The following ZNF385B variants were observed in gnomAD, a reference collection of about 807,000 sequenced individuals.
ZNF385B encodes zinc finger protein 385B.
A neutral mutation model predicts 39.2 loss-of-function variants in ZNF385B; 23 were observed. That is an observed-to-expected ratio of 0.59 (90% CI 0.42 to 0.83). The LOEUF is 0.83. Among genes scored for constraint, ZNF385B ranks in the 40% least tolerant of loss-of-function variants. The probability of loss-of-function intolerance (pLI) is 0.00; values close to 1 mark genes in which losing one functional copy is unlikely to be tolerated. For synonymous variants in ZNF385B, 205 were observed against 222.6 expected, an observed-to-expected ratio of 0.92 and a Z score of 0.70; for missense variants, 552 against 598.9, an observed-to-expected ratio of 0.92 and a Z score of 0.82.
intron 3 of ZNF385B, among the ~76,000 whole-genome samples, chr2:179,720,893 G>A (rs1426991087): frequency 6.8e-6 from 1 of 146,426 alleles, no homozygotes; most frequent in African/African-American, 2.5e-5. Context: ...CCAAGTAGCT[G>A]TGACTACAGT....
chr2:179,754,867 C>G (rs1186897340), intron 3 of ZNF385B, among the ~76,000 whole-genome samples: 1 of 152,084 alleles, frequency 6.6e-6, no homozygotes, highest in Non-Finnish European at 1.5e-5. Flanking sequence ...TTTTGTTGAT[C>G]TTTTCAAAAA....
At chr2:179,684,272 C>T (rs1697756979) in intron 3 of ZNF385B, among the ~76,000 whole-genome samples, 1 of 152,178 alleles carries the variant, frequency 6.6e-6, no homozygotes, top group Non-Finnish European at 1.5e-5. Context: ...CATATTTGTA[C>T]TCAGAGTTTA....
chr2:179,668,329 G>A (rs1337126252), intron 3 of ZNF385B, among the ~76,000 whole-genome samples: 1 of 152,116 alleles, frequency 6.6e-6, no homozygotes, highest in Non-Finnish European at 1.5e-5. Context: ...TGAAAAACAG[G>A]CATCTGAAGA....
chr2:179,845,422 G>A (rs1708751122), intron 1 of ZNF385B, among the ~76,000 whole-genome samples: 1 of 152,102 alleles, frequency 6.6e-6, no homozygotes, highest in African/African-American at 2.4e-5. Flanking sequence ...GGTTAGCGTA[G>A]GCAGTTCAAC....
intron 3 of ZNF385B, among the ~76,000 whole-genome samples, chr2:179,546,420 T>A (rs2060239124): frequency 6.6e-6 from 1 of 152,174 alleles, no homozygotes. Context: ...CTATTCTCTG[T>A]GTCCAGTTCA....
At chr2:179,662,701 C>A (rs972884282) in intron 3 of ZNF385B, among the ~76,000 whole-genome samples, 2 of 152,108 alleles carry the variant, frequency 1.3e-5, no homozygotes, top group Non-Finnish European at 2.9e-5. Flanking sequence ...GAATCCCCCC[C>A]AAAAGAATCA....
chr2:179,669,384 G>C (rs1489440844), intron 3 of ZNF385B, among the ~76,000 whole-genome samples: 1 of 152,118 alleles, frequency 6.6e-6, no homozygotes, highest in Non-Finnish European at 1.5e-5. Context: ...CAACACATAG[G>C]CTCGAACTCC....
intron 3 of ZNF385B, among the ~76,000 whole-genome samples, chr2:179,706,859 G>T (rs1699640065): frequency 6.6e-6 from 1 of 152,182 alleles, no homozygotes; most frequent in Admixed American, 6.5e-5. Context: ...CAGAGACCTT[G>T]CTGTCTCACC....
intron 3 of ZNF385B, among the ~76,000 whole-genome samples, chr2:179,712,769 T>C (rs936060366): frequency 1.3e-5 from 2 of 152,242 alleles, no homozygotes; most frequent in African/African-American, 2.4e-5. Context: ...TCTCTCCTAA[T>C]AGTCTCCTAC....
intron 3 of ZNF385B, among the ~76,000 whole-genome samples, chr2:179,581,690 C>A (rs2106035334): frequency 6.6e-6 from 1 of 152,286 alleles, no homozygotes; most frequent in African/African-American, 2.4e-5. Context: ...CAAATTGCTT[C>A]CCAGATACAG....
intron 6 of ZNF385B, among the ~76,000 whole-genome samples, chr2:179,456,881 A>G (rs144636414): frequency 6.6e-6 from 1 of 152,182 alleles, no homozygotes; most frequent in Non-Finnish European, 1.5e-5. Flanking sequence ...AACTGTTACT[A>G]TCTGTACTTT....
chr2:179,674,488 A>G (rs1696481083), intron 3 of ZNF385B, among the ~76,000 whole-genome samples: 2 of 152,166 alleles, frequency 1.3e-5, no homozygotes. Flanking sequence ...CCTTCACCTG[A>G]TACTGATTTC....
chr2:179,805,786 T>C (rs902288030), intron 1 of ZNF385B, among the ~76,000 whole-genome samples: 2 of 152,206 alleles, frequency 1.3e-5, no homozygotes, highest in African/African-American at 4.8e-5. Context: ...CTCCTCCTTC[T>C]GCTATTATAA....
intron 3 of ZNF385B, among the ~76,000 whole-genome samples, chr2:179,665,665 T>C (rs1417491012): frequency 4.6e-5 from 7 of 152,224 alleles, no homozygotes; most frequent in Non-Finnish European, 1.0e-4. Context: ...AATAATTGTA[T>C]TATGTCATCA....
intron 7 of ZNF385B, 25 bp downstream of exon 7, chr2:179,446,500 T>C (rs1366202374): frequency 1.3e-6 from 2 of 1,596,224 alleles, no homozygotes; most frequent in South Asian, 1.1e-5. Flanking sequence ...TAAACATTAT[T>C]TAAATGCAAA....
Position 179,445,664 on chromosome 2 carries a change from T to G in ZNF385B, c.1026A>C (p.Arg342Ser), listed in dbSNP as rs1372726937. The change falls in exon 8 of 10, where the codon AGA (arginine) becomes AGC (serine). Residue 342 changes from arginine to serine, a missense_variant. By Grantham distance (110) the Arg-to-Ser change is moderately radical. Coordinates refer to ENST00000410066, the MANE Select transcript of ZNF385B (RefSeq NM_152520.6). ...NGAGPIKSYP[R>S]PGSRLKMQNG... ...TCTGCATCTTTAATCTTGATCCAGGTCTAGGATAGGATTTAATTGGACCAG... is the reference window on the plus strand; with the variant it reads ...TCTGCATCTTTAATCTTGATCCAGGGCTAGGATAGGATTTAATTGGACCAG... The G allele has an allele frequency of 6.2e-7, 1 of 1,614,062 alleles. No individual in the cohort carries two copies. Among genetic ancestry groups the G allele is most frequent in the East Asian group, 2.2e-5 (1 of 44,852 alleles).
intron 3 of ZNF385B, among the ~76,000 whole-genome samples, chr2:179,715,693 T>C (rs1348449808): frequency 3.5e-5 from 5 of 144,448 alleles, no homozygotes; most frequent in African/African-American, 1.2e-4. Flanking sequence ...TTTTACTTTA[T>C]AAGGGTAAAT....
chr2:179,729,666 T>C (rs1369895021), intron 3 of ZNF385B, among the ~76,000 whole-genome samples: 1 of 152,202 alleles, frequency 6.6e-6, no homozygotes, highest in Non-Finnish European at 1.5e-5. Context: ...TACCATATGA[T>C]ATGGTTGGGC....
intron 3 of ZNF385B, among the ~76,000 whole-genome samples, chr2:179,749,345 A>G (rs1702547345): frequency 6.6e-6 from 1 of 152,114 alleles, no homozygotes; most frequent in African/African-American, 2.4e-5. Flanking sequence ...CACTCTGCCC[A>G]TTAAAAAGTA....
Sources: gnomAD v4.1 joint callset for allele counts (sites outside exome capture counted in the v4.1 genomes callset) on GRCh38, gnomAD v4.1.1 for gene constraint, MANE v1.5 for transcripts, NCBI Gene and HGNC (gene_info 2026-07-23, HGNC 2026-07-21) for gene names.